Variants in KAT2B observed in about 807,000 individuals in gnomAD.
The protein encoded by KAT2B is histone acetyltransferase KAT2B.
KAT2B carries 36 observed loss-of-function variants against 105.9 expected under a neutral mutation model. That is an observed-to-expected ratio of 0.34 (90% CI 0.26 to 0.45). The LOEUF (loss-of-function observed/expected upper bound fraction) is 0.45, where lower values mean the gene tolerates loss of function less well. KAT2B is among the 20% of genes least tolerant of loss of function. The pLI is 1.00. For missense variants in KAT2B, 820 were observed against 1,021.6 expected (o/e 0.80, Z 2.69); for synonymous variants, 397 against 377.9 (o/e 1.05, Z -0.59).
At chr3:20,116,293 A>T (rs1433043344) in intron 7 of KAT2B, among the ~76,000 whole-genome samples, 1 of 152,118 alleles carries the variant, frequency 6.6e-6, no homozygotes, top group East Asian at 1.9e-4. Flanking sequence ...GATCTCACCT[A>T]ACTTTCAAAT....
intron 12 of KAT2B, among the ~76,000 whole-genome samples, chr3:20,139,025 T>A (rs547015957): frequency 6.6e-6 from 1 of 152,030 alleles, no homozygotes; most frequent in South Asian, 2.1e-4. Context: ...ACCTGTGTAA[T>A]TGTGACCTCA....
chr3:20,090,691 TAATGCTGACCTTGTA>T (rs1698700952), intron 2 of KAT2B, among the ~76,000 whole-genome samples: 1 of 152,268 alleles, frequency 6.6e-6, no homozygotes, highest in Admixed American at 6.5e-5. Context: ...GGTATTAGTA[TAATGCTGACCTTGTA>T]AAGTGAGTTT....
chr3:20,057,969 G>C (rs1468009502), intron 1 of KAT2B, among the ~76,000 whole-genome samples: 1 of 152,194 alleles, frequency 6.6e-6, no homozygotes, highest in Non-Finnish European at 1.5e-5. Flanking sequence ...ATTTTCTGTT[G>C]ATTTGATTTT....
chr3:20,085,344 T>TA (rs1222443360), intron 2 of KAT2B, among the ~76,000 whole-genome samples: 2 of 152,188 alleles, frequency 1.3e-5, no homozygotes, highest in African/African-American at 4.8e-5. Context: ...TTTGCAGTCT[T>TA]AAGAAAAAGA....
At chr3:20,061,749 A>G (rs2125172153) in intron 1 of KAT2B, among the ~76,000 whole-genome samples, 1 of 139,976 alleles carries the variant, frequency 7.1e-6, no homozygotes, top group East Asian at 2.2e-4. Flanking sequence ...TATATGAAAA[A>G]ATATATTATA....
chr3:20,125,529 CTG>C (rs1699385698), intron 9 of KAT2B, among the ~76,000 whole-genome samples: 1 of 152,134 alleles, frequency 6.6e-6, no homozygotes, highest in African/African-American at 2.4e-5. Flanking sequence ...AACATATTGT[CTG>C]TGGATGCTTT....
rs56091316 is a variant in KAT2B at position 20,149,495 on chromosome 3, C to CAAAA, written c.2305+1030_2305+1033dup. 3.8e-3 allele frequency among the ~76,000 whole-genome samples: 162 copies of CAAAA among 42,430 alleles called. 13 individuals are homozygous for CAAAA. Among genetic ancestry groups the CAAAA allele is most frequent in the African/African-American group, 0.016 (125 of 7,688 alleles). The allele number at this position is 42,430 out of a possible 152,430, so 27.8% of individuals were successfully genotyped here. A position where few individuals can be genotyped will look rare whatever the true frequency, so the allele number is the denominator to read the frequency against. Reference sequence around the variant, plus strand: ...TGGGCACTGGAGGGAGACCGTATCTCAAAAAAAAAAAAAAAAAAAAAAAAA... The same window carrying CAAAA: ...TGGGCACTGGAGGGAGACCGTATCTCAAAAAAAAAAAAAAAAAAAAAAAAAAAAA... On this transcript the variant is annotated intron_variant, in intron 17 of 17. Transcript: ENST00000263754.
At position 20,119,669 on chromosome 3, in the gene KAT2B, G is replaced by T. The variant is rs771195931; in HGVS notation, c.1222G>T (p.Ala408Ser). 1.9e-6 allele frequency: 3 copies of T among 1,614,068 alleles called. No homozygotes were observed. Among genetic ancestry groups the T allele is most frequent in the Non-Finnish European group, 1.7e-6 (2 of 1,179,974 alleles). The change falls in exon 8 of 18, where the codon GCA becomes TCA. Residue 408 changes from alanine (A) to serine (S), a missense_variant. Ala to Ser is a moderately conservative substitution (Grantham distance 99, BLOSUM62 1). This residue lies in a region of KAT2B where 225 missense variants were observed against 268.1 expected (regional missense o/e 0.84). Transcript: ENST00000263754. ...STSSSLEQPNAGSSSPACKAS... is the reference protein window; with the variant it reads ...STSSSLEQPNSGSSSPACKAS... ...CTCATCTTCCCTTGAGCAGCCAAAC[G>T]CAGGGAGCAGCAGTCCTGCCTGCAA...
chr3:20,040,498 C>T lies in KAT2B; in HGVS notation c.21C>T (p.Ala7=). The change falls in exon 1 of 18, where the codon GCC becomes GCT. Residue 7 remains alanine (A), a synonymous_variant. Transcript: ENST00000263754. The part of the protein sequence containing the change: MSEAGG[A]GPGGCGAGAG... ...GCGGCATGTCCGAGGCTGGCGGGGC[C>T]GGGCCGGGCGGCTGCGGGGCAGGAG... 1 of 1,035,978 alleles carries T rather than the reference C, an allele frequency of 9.7e-7. No homozygotes were observed. The highest frequency in any genetic ancestry group is 1.2e-6 in the Non-Finnish European group (1 of 864,346). 64.2% of individuals were successfully genotyped at this position (1,035,978 alleles called of 1,614,324 possible). A position where few individuals can be genotyped will look rare whatever the true frequency, so the allele number is the denominator to read the frequency against.
At chr3:20,062,104 A>ATATATATTATATATAAAACATAT (rs1559514094) in intron 1 of KAT2B, among the ~76,000 whole-genome samples, 4,095 of 59,824 alleles carry the variant, frequency 0.068, 821 homozygotes, top group African/African-American at 0.24. Context: ...AAAACATATA[A>ATATATATTATATATAAAACATAT]TATATATTAT....
rs770108858 is a variant in KAT2B, at chr3:20,152,477, G to A, written c.2451G>A (p.Glu817=). ...SEYYKCANIL[E]KFFFSKIKEA... is the part of the protein sequence containing the mutation. Reference sequence around the variant, plus strand: ...ACTACAAATGTGCCAATATCCTGGAGAAATTCTTCTTCAGTAAAATTAAGG... The same window carrying A: ...ACTACAAATGTGCCAATATCCTGGAAAAATTCTTCTTCAGTAAAATTAAGG... The change falls in exon 18 of 18, where the codon GAG becomes GAA. Residue 817 remains glutamate (E), a synonymous_variant. Coordinates refer to ENST00000263754, the MANE Select transcript of KAT2B (RefSeq NM_003884.5). 2.5e-6 allele frequency: 4 copies of A among 1,613,332 alleles called. No individual in the cohort carries two copies. Among genetic ancestry groups the A allele is most frequent in the Admixed American group, 1.7e-5 (1 of 59,974 alleles).
In KAT2B at chr3:20,105,816, A is replaced by AAG. The variant is rs1553591850; in HGVS notation, c.851+4349_851+4350insGA. 7.5e-3 allele frequency among the ~76,000 whole-genome samples: 1,127 copies of AAG among 151,058 alleles called. 14 individuals carry two copies. Among genetic ancestry groups the AAG allele is most frequent in the African/African-American group, 0.021 (862 of 40,968 alleles). On this transcript the variant is annotated intron_variant, in intron 5 of 17. Coordinates refer to ENST00000263754, the MANE Select transcript of KAT2B (RefSeq NM_003884.5). ...ACCCTGTCTGAAAAAAAAAAAAAAA[A>AAG]AAGAAGAAGAAGAAGAAAAAGAATA... is the stretch of plus-strand genomic sequence containing the variant.
chr3:20,093,236 A>C (rs1225635806), intron 2 of KAT2B, among the ~76,000 whole-genome samples: 1 of 152,200 alleles, frequency 6.6e-6, no homozygotes, highest in East Asian at 1.9e-4. Context: ...GTGGCCAATA[A>C]AGAGTGAATT....
rs188678877 is a variant in KAT2B, at chr3:20,119,314, C to T, written c.1151-284C>T. Among the ~76,000 whole-genome samples the T allele has an allele frequency of 2.8e-3, 422 of 150,414 alleles. 2 individuals carry two copies. The highest frequency in any genetic ancestry group is 9.5e-3 in the African/African-American group (390 of 40,930). On this transcript the variant is annotated intron_variant, in intron 7 of 17. Transcript: ENST00000263754. ...TTTTTTTTACTAACTACCATAACTC[C>T]GTCCTTATTTCTTTGTTGGTGTTCT...
chr3:20,086,734 A>C (rs1450044581), intron 2 of KAT2B, among the ~76,000 whole-genome samples: 1 of 152,078 alleles, frequency 6.6e-6, no homozygotes, highest in African/African-American at 2.4e-5. Flanking sequence ...CTACCTCTCT[A>C]ATTTTAAGCC....
chr3:20,048,790 C>T (rs1236910121), intron 1 of KAT2B, among the ~76,000 whole-genome samples: 1 of 152,160 alleles, frequency 6.6e-6, no homozygotes, highest in Non-Finnish European at 1.5e-5. Context: ...TTAGAACAGG[C>T]ACATTGGCTA....
chr3:20,126,901 A>C (rs1298534875), intron 10 of KAT2B, among the ~76,000 whole-genome samples: 1 of 151,912 alleles, frequency 6.6e-6, no homozygotes, highest in African/African-American at 2.4e-5. Flanking sequence ...TACATAGCCC[A>C]GTAGCCTATG....
At chr3:20,137,687 A>AT (rs1270746217) in intron 12 of KAT2B, 1 of 153,538 alleles carries the variant, frequency 6.5e-6, no homozygotes, top group East Asian at 1.9e-4. Flanking sequence ...CACCCAGCTA[A>AT]TTTTTTGTAT....
intron 1 of KAT2B, among the ~76,000 whole-genome samples, chr3:20,049,140 G>A (rs1174520631): frequency 1.3e-5 from 2 of 152,112 alleles, no homozygotes; most frequent in Non-Finnish European, 2.9e-5. Context: ...GATTACAGGT[G>A]TGAGCCACCG....
Sources: gnomAD v4.1 joint callset for allele counts (sites outside exome capture counted in the v4.1 genomes callset) on GRCh38, gnomAD v4.1.1 for gene constraint, gnomAD v4.1.1 regional missense constraint, MANE v1.5 for transcripts, NCBI Gene and HGNC (gene_info 2026-07-23, HGNC 2026-07-21) for gene names.